CACNA1C: variants seen among roughly 807,000 people sequenced by gnomAD.
CACNA1C encodes calcium voltage-gated channel subunit alpha1 C, also known as voltage-dependent L-type calcium channel subunit alpha-1C.
A neutral mutation model predicts 229.0 loss-of-function variants in CACNA1C; 30 were observed. The observed-to-expected ratio is 0.13, with a 90% CI of 0.10 to 0.18. The LOEUF is 0.18. Among genes scored for constraint, CACNA1C ranks in the 10% least tolerant of loss-of-function variants. CACNA1C has a pLI of 1.00. For synonymous variants in CACNA1C, 1,114 were observed against 1,132.5 expected (o/e 0.98, Z 0.33); for missense variants, 1,658 against 2,845.0 (o/e 0.58, Z 9.49).
chr12:2,679,374 G>A lies in CACNA1C; in HGVS notation c.5092-70G>A, dbSNP rs1478544437. ...GGCCCTGCACTTCCCTGACCTGGCT[G>A]TGGAGGCTGCTCTCTGGGAGGAGTG... On this transcript the variant is annotated intron_variant, in intron 41 of 46. Transcript: ENST00000399655. This position sits in a 1 kb window ranked among gnomAD's most constrained non-coding sequence, Gnocchi z 5.5. 1.7e-6 allele frequency: 2 copies of A among 1,181,736 alleles called. No homozygotes were observed. Among genetic ancestry groups the A allele is most frequent in the Non-Finnish European group, 2.3e-6 (2 of 854,740 alleles). The allele number at this position is 1,181,736 out of a possible 1,614,324, so 73.2% of individuals were successfully genotyped here.
chr12:2,105,284 A>G (rs1239803241), intron 1 of CACNA1C, among the ~76,000 whole-genome samples: 1 of 152,180 alleles, frequency 6.6e-6, no homozygotes, highest in East Asian at 1.9e-4. Context: ...GTTGTAGGAC[A>G]GAAAAGATAC....
intron 8 of CACNA1C, among the ~76,000 whole-genome samples, chr12:2,510,408 T>C (rs1223746526): frequency 6.6e-6 from 1 of 152,130 alleles, no homozygotes. Context: ...AAAGCCCTTC[T>C]CCATCCCTCT....
At chr12:2,543,960 A>G (rs1331866456) in intron 9 of CACNA1C, among the ~76,000 whole-genome samples, 1 of 152,194 alleles carries the variant, frequency 6.6e-6, no homozygotes, top group Non-Finnish European at 1.5e-5. Context: ...GCCACCACAC[A>G]GATAGAAACT....
rs777234072 is a variant in CACNA1C at position 2,679,538 on chromosome 12, A to G, written c.5186A>G (p.His1729Arg). 1 of 1,613,204 alleles carries G rather than the reference A, an allele frequency of 6.2e-7. No individual in the cohort carries two copies. ...PQTFTTQRPL[H>R]INKAGSSQGD... ...ACCTTCACCACTCAGCGCCCGCTGC[A>G]CATCAACAAGGCGGGCAGCAGCCAG... The change falls in exon 42 of 47, where the codon CAC becomes CGC. Residue 1729 changes from histidine to arginine, a missense_variant. Transcript: ENST00000399655. The surrounding 1 kb of genome is among the most constrained non-coding windows in gnomAD (Gnocchi z 5.5).
In CACNA1C at chr12:2,214,348, T is replaced by C. The variant is rs558983710; in HGVS notation, c.477+93918T>C. Reference sequence around the variant, plus strand: ...TCCACTTCTCACTTGTAAATAAGGATAGTAATAGTACCTACCTCAGAGTGT... The same window carrying C: ...TCCACTTCTCACTTGTAAATAAGGACAGTAATAGTACCTACCTCAGAGTGT... On this transcript the variant is annotated intron_variant, in intron 3 of 46. Coordinates refer to ENST00000399655, the MANE Select transcript of CACNA1C (RefSeq NM_000719.7). 3.3e-5 allele frequency among the ~76,000 whole-genome samples: 5 copies of C among 152,264 alleles called. No individual in the cohort carries two copies. The South Asian group carries it at 1.0e-3, about 32-fold the overall frequency.
At chr12:2,648,693 T>A (rs751651717) in intron 31 of CACNA1C, among the ~76,000 whole-genome samples, 186 bp downstream of exon 31, 6 of 152,158 alleles carry the variant, frequency 3.9e-5, no homozygotes, top group Admixed American at 1.3e-4. Context: ...ATGCTGTTTG[T>A]GCAGTGGTGG....
At chr12:2,624,223 G>A (rs1055071674) in intron 29 of CACNA1C, among the ~76,000 whole-genome samples, 8 of 152,216 alleles carry the variant, frequency 5.3e-5, no homozygotes, top group African/African-American at 1.4e-4. Context: ...TCTGTAGGGC[G>A]TCACCATGAT....
rs1228203060 is a variant in CACNA1C, at chr12:2,152,463, G to T, written c.477+32033G>T. Among the ~76,000 whole-genome samples the T allele has an allele frequency of 6.6e-6, 1 of 152,196 alleles. No individual in the cohort carries two copies. Among genetic ancestry groups the T allele is most frequent in the Non-Finnish European group, 1.5e-5 (1 of 68,036 alleles). The stretch of plus-strand genomic sequence containing the variant: ...TGCAGGCGTGTTGCCGTCATGGTGA[G>T]GAGCCATTTCATATCATGCAGACTA... On this transcript the variant is annotated intron_variant, in intron 3 of 46. Transcript: ENST00000399655. This position sits in a 1 kb window ranked among gnomAD's most constrained non-coding sequence, Gnocchi z 4.2.
intron 9 of CACNA1C, among the ~76,000 whole-genome samples, chr12:2,527,947 C>T (rs1279712103): frequency 6.6e-6 from 1 of 152,210 alleles, no homozygotes; most frequent in South Asian, 2.1e-4. Flanking sequence ...TGCAGAGTTT[C>T]TTCTTGTACC....
chr12:2,263,168 G>T (rs192215389), intron 3 of CACNA1C, among the ~76,000 whole-genome samples: 2 of 152,158 alleles, frequency 1.3e-5, no homozygotes, highest in Admixed American at 1.3e-4. Context: ...GTGGATCTGG[G>T]GAGAGGGCAT....
chr12:2,458,981 CTTTTTTTTTTTT>C (rs71057826), intron 5 of CACNA1C, among the ~76,000 whole-genome samples: 3 of 105,598 alleles, frequency 2.8e-5, no homozygotes, highest in Admixed American at 1.1e-4. Context: ...CTTTTTCTTT[CTTTTTTTTTTTT>C]TTTTTTTTGA....
rs2087791379 is a variant in CACNA1C, at chr12:2,275,985, C to G, written c.477+155555C>G. On this transcript the variant is annotated intron_variant, in intron 3 of 46. Transcript: ENST00000399655. The surrounding 1 kb of genome is among the most constrained non-coding windows in gnomAD (Gnocchi z 4.1). ...TACAAAACCCAAGGATGCCCATGTCCTTTTATGTATGTAGATTATATGCAC... is the reference window on the plus strand; with the variant it reads ...TACAAAACCCAAGGATGCCCATGTCGTTTTATGTATGTAGATTATATGCAC... Among the ~76,000 whole-genome samples, 1 of 152,158 alleles carries G rather than the reference C, an allele frequency of 6.6e-6. No individual in the cohort carries two copies.
intron 3 of CACNA1C, among the ~76,000 whole-genome samples, chr12:2,121,613 G>C (rs948184723): frequency 2.0e-5 from 3 of 152,202 alleles, no homozygotes; most frequent in Non-Finnish European, 4.4e-5. Context: ...ACTGAGTGAT[G>C]GCATGGCCAG....
At chr12:2,271,052 C>T (rs1441186722) in intron 3 of CACNA1C, among the ~76,000 whole-genome samples, 1 of 152,210 alleles carries the variant, frequency 6.6e-6, no homozygotes, top group Non-Finnish European at 1.5e-5. Context: ...TCGCATCCAG[C>T]TGTCTCTTCC....
At chr12:2,279,106 G>A (rs2090086634) in intron 3 of CACNA1C, among the ~76,000 whole-genome samples, 1 of 151,984 alleles carries the variant, frequency 6.6e-6, no homozygotes, top group Non-Finnish European at 1.5e-5. Context: ...TGCATTATGA[G>A]GTTTCTTTAT....
rs4765883 is a variant in CACNA1C at position 2,067,481 on chromosome 12, T to C, written c.49+13870T>C. Among the ~76,000 whole-genome samples the C allele has an allele frequency of 0.13, 17,823 of 140,808 alleles. 1,196 individuals are homozygous for C. The highest frequency in any genetic ancestry group is 0.16 in the South Asian group (702 of 4,356). 92.4% of individuals were successfully genotyped at this position (140,808 alleles called of 152,430 possible). ...GTGTGTGTGTGTGTGTGTGTGTGTG[T>C]GCGCGCGTGTGCGTGCCTGTATGTA... On this transcript the variant is annotated intron_variant, in intron 1 of 46. Coordinates refer to ENST00000399655, the MANE Select transcript of CACNA1C (RefSeq NM_000719.7). This position sits in a 1 kb window ranked among gnomAD's most constrained non-coding sequence, Gnocchi z 5.3.
chr12:2,277,711 C>G (rs923804272), intron 3 of CACNA1C, among the ~76,000 whole-genome samples: 3 of 152,210 alleles, frequency 2.0e-5, no homozygotes, highest in Admixed American at 1.3e-4. Context: ...GCTGAGGAAG[C>G]CTTCTCTCTC....
At chr12:2,121,519 C>T (rs1018991237) in intron 3 of CACNA1C, among the ~76,000 whole-genome samples, 5 of 152,118 alleles carry the variant, frequency 3.3e-5, no homozygotes, top group African/African-American at 7.2e-5. Flanking sequence ...AGGTGTTCAC[C>T]GCCTGCGGGC....
At position 2,691,336 on chromosome 12, in the gene CACNA1C, C is replaced by T. The variant is rs2097785962; in HGVS notation, c.*137C>T. The stretch of plus-strand genomic sequence containing the variant: ...CATTCATTTCTGTTGGGACCAGACG[C>T]GGAGCCTGGGTGCGCGAGCCGCCCT... On this transcript the variant is annotated 3_prime_UTR_variant, in exon 47 of 47. Coordinates refer to ENST00000399655, the MANE Select transcript of CACNA1C (RefSeq NM_000719.7). The T allele has an allele frequency of 3.1e-6, 3 of 959,856 alleles. No homozygotes were observed. Among genetic ancestry groups the T allele is most frequent in the Non-Finnish European group, 4.2e-6 (3 of 719,742 alleles). The allele number at this position is 959,856 out of a possible 1,614,324, so 59.5% of individuals were successfully genotyped here.
Sources: gnomAD v4.1 joint callset for allele counts (sites outside exome capture counted in the v4.1 genomes callset) on GRCh38, gnomAD v4.1.1 for gene constraint, Gnocchi (gnomAD v3.1) non-coding constraint, MANE v1.5 for transcripts, NCBI Gene and HGNC (gene_info 2026-07-23, HGNC 2026-07-21) for gene names.